The following ZNF626 variants were observed in gnomAD, a reference collection of about 807,000 sequenced individuals.
ZNF626 encodes zinc finger protein 626, also known as CTC-513N18.7.
In ZNF626, 4 loss-of-function variants were observed where a neutral mutation model predicts 11.7. The observed-to-expected ratio is 0.34, with a 90% CI of 0.17 to 0.78. The LOEUF is 0.78. Among genes scored for constraint, ZNF626 ranks in the 30% least tolerant of loss-of-function variants. ZNF626 has a pLI of 0.57. For synonymous variants in ZNF626, 179 were observed against 198.6 expected, an observed-to-expected ratio of 0.90 and a Z score of 0.83; for missense variants, 588 against 587.1, an observed-to-expected ratio of 1.00 and a Z score of -0.01.
At chr19:20,650,787 C>T (rs12982531) in intron 1 of ZNF626, among the ~76,000 whole-genome samples, 33,424 of 152,074 alleles carry the variant, frequency 0.22, 4,054 homozygotes, top group East Asian at 0.46. Flanking sequence ...CCAGCCACTG[C>T]CCTGTCAACT....
intron 3 of ZNF626, among the ~76,000 whole-genome samples, chr19:20,638,464 T>C (rs1314799011): frequency 2.3e-5 from 2 of 85,824 alleles, no homozygotes; most frequent in Non-Finnish European, 4.5e-5. Context: ...TAAAATTATA[T>C]AGAGAAAAAG....
At chr19:20,642,562 C>CTT (rs1555771580) in intron 3 of ZNF626, among the ~76,000 whole-genome samples, 1 of 152,054 alleles carries the variant, frequency 6.6e-6, no homozygotes, top group East Asian at 1.9e-4. Context: ...CGCCAGTGCA[C>CTT]TTTAGCCTGA....
At chr19:20,660,090 C>A (rs1017869182) in intron 1 of ZNF626, among the ~76,000 whole-genome samples, 1 of 151,826 alleles carries the variant, frequency 6.6e-6, no homozygotes, top group East Asian at 1.9e-4. Context: ...GGAGAAAACC[C>A]GTCTCTACTA....
At position 20,624,706 on chromosome 19, in the gene ZNF626, G is replaced by A. The variant is rs564751395; in HGVS notation, c.1171C>T (p.His391Tyr). Residue 391 changes from histidine (H) to tyrosine (Y), a missense_variant, in exon 4 of 4, where the codon CAT becomes TAT. Transcript: ENST00000601440. ...SSDLTTHKII[H>Y]TGEKPYKCEE... ...CATTTGTAGGGTTTCTCTCCAGTATGAATTATCTTATGCGTAGTAAGGTCT... is the reference window on the plus strand; with the variant it reads ...CATTTGTAGGGTTTCTCTCCAGTATAAATTATCTTATGCGTAGTAAGGTCT... 7.5e-6 allele frequency: 12 copies of A among 1,610,018 alleles called. No individual in the cohort carries two copies. Among genetic ancestry groups the A allele is most frequent in the Middle Eastern group, 1.7e-4 (1 of 6,058 alleles).
Position 20,661,508 on chromosome 19 carries a change from G to T in ZNF626, c.-62C>A, listed in dbSNP as rs1970268217. 1 of 1,594,936 alleles carries T rather than the reference G, an allele frequency of 6.3e-7. No individual in the cohort carries two copies. On this transcript the variant is annotated 5_prime_UTR_variant, in exon 1 of 4. Transcript: ENST00000601440. ...GATCTCCCAATACCTGCAGGACACG[G>T]GGCCACACAGCCTGGGCCTTTAGGA...
rs1969743278 is a variant in ZNF626, at chr19:20,620,350, GT to G, written c.*3939del. The G allele has an allele frequency of 6.6e-6, 1 of 151,988 alleles. No homozygotes were observed. The highest frequency in any genetic ancestry group is 1.5e-5 in the Non-Finnish European group (1 of 67,986). The allele number at this position is 151,988 out of a possible 1,614,324, so 9.4% of individuals were successfully genotyped here. A position where few individuals can be genotyped will look rare whatever the true frequency, so the allele number is the denominator to read the frequency against. On this transcript the variant is annotated 3_prime_UTR_variant, in exon 4 of 4. Coordinates refer to ENST00000601440, the MANE Select transcript of ZNF626 (RefSeq NM_001076675.3). ...AAACTTATTTTGTTCCAATAATTGC[GT>G]TTTCTTCTGAAAATATGTACAAATG...
chr19:20,639,200 T>C (rs1407306629), intron 3 of ZNF626, among the ~76,000 whole-genome samples: 2 of 152,146 alleles, frequency 1.3e-5, no homozygotes, highest in Non-Finnish European at 2.9e-5. Flanking sequence ...ACCAAGAAAA[T>C]GTACCAGCCA....
intron 1 of ZNF626, 152 bp downstream of exon 1, chr19:20,661,292 G>C (rs1294067722): frequency 1.9e-6 from 2 of 1,060,962 alleles, no homozygotes; most frequent in East Asian, 2.4e-5. Flanking sequence ...CCATTTTATG[G>C]CTGAACAGGA....
intron 3 of ZNF626, among the ~76,000 whole-genome samples, chr19:20,635,334 T>C (rs1317227623): frequency 6.6e-6 from 1 of 152,188 alleles, no homozygotes; most frequent in African/African-American, 2.4e-5. Context: ...AAACTGAATA[T>C]TTAGAAATAT....
intron 1 of ZNF626, among the ~76,000 whole-genome samples, chr19:20,652,560 A>C (rs1555772674): frequency 1.3e-5 from 2 of 152,244 alleles, no homozygotes; most frequent in African/African-American, 4.8e-5. Context: ...AGGGTATGGG[A>C]TATAGTGTCC....
chr19:20,637,611 A>G (rs1969980432), intron 3 of ZNF626, among the ~76,000 whole-genome samples: 1 of 152,146 alleles, frequency 6.6e-6, no homozygotes, highest in Non-Finnish European at 1.5e-5. Flanking sequence ...ATAAAATTAA[A>G]ACATATTGTT....
intron 3 of ZNF626, among the ~76,000 whole-genome samples, chr19:20,640,401 A>G (rs1322177698): frequency 1.3e-5 from 2 of 151,476 alleles, no homozygotes; most frequent in African/African-American, 4.8e-5. Flanking sequence ...ATGAAACAGA[A>G]AAGTTTACAC....
chr19:20,645,615 TG>T, intron 3 of ZNF626, 68 bp downstream of exon 3: 1 of 1,570,716 alleles, frequency 6.4e-7, no homozygotes, highest in Non-Finnish European at 8.6e-7. Flanking sequence ...CTTTAAGGAC[TG>T]GCTTTCTCTT....
At chr19:20,647,886 A>G (rs550090610) in intron 1 of ZNF626, among the ~76,000 whole-genome samples, 5 of 152,222 alleles carry the variant, frequency 3.3e-5, no homozygotes, top group Admixed American at 2.0e-4. Flanking sequence ...GAATGTAACC[A>G]TAAACATCAG....
chr19:20,628,444 G>T (rs187432174), intron 3 of ZNF626, among the ~76,000 whole-genome samples: 11,106 of 152,092 alleles, frequency 0.073, 482 homozygotes, highest in South Asian at 0.13. Flanking sequence ...AGCACCTGTT[G>T]TTTCCTGACT....
At chr19:20,647,002 C>T (rs536338730) in intron 1 of ZNF626, among the ~76,000 whole-genome samples, 13 of 150,712 alleles carry the variant, frequency 8.6e-5, no homozygotes, top group Admixed American at 1.3e-4. Context: ...CATGCATCAC[C>T]GCACCCGGTA....
chr19:20,649,481 G>A (rs1555772310), intron 1 of ZNF626, among the ~76,000 whole-genome samples: 1 of 152,088 alleles, frequency 6.6e-6, no homozygotes, highest in Non-Finnish European at 1.5e-5. Context: ...ACCCTTTAGG[G>A]CAAAGGTGGA....
At chr19:20,637,555 A>T (rs1165601129) in intron 3 of ZNF626, among the ~76,000 whole-genome samples, 13 of 152,010 alleles carry the variant, frequency 8.6e-5, no homozygotes, top group Admixed American at 7.9e-4. Context: ...TCAATAAAAA[A>T]CTGGAAAATG....
In ZNF626 at chr19:20,622,194, A is replaced by C. The variant is rs1969765249; in HGVS notation, c.*2096T>G. 6.7e-6 allele frequency: 1 copy of C among 150,360 alleles called. No homozygotes were observed. The highest frequency in any genetic ancestry group is 1.9e-4 in the East Asian group (1 of 5,164). The allele number at this position is 150,360 out of a possible 1,614,324, so 9.3% of individuals were successfully genotyped here. On this transcript the variant is annotated 3_prime_UTR_variant, in exon 4 of 4. Transcript: ENST00000601440. ...TGACAGAGCAAGACTCCATCTCAAA[A>C]GAAAAGTTAAGTAAGTAAATAAAAT...
Sources: gnomAD v4.1 joint callset for allele counts (sites outside exome capture counted in the v4.1 genomes callset) on GRCh38, gnomAD v4.1.1 for gene constraint, MANE v1.5 for transcripts, NCBI Gene and HGNC (gene_info 2026-07-23, HGNC 2026-07-21) for gene names.